Variants in CDH7 observed in about 807,000 individuals in gnomAD.
CDH7 encodes cadherin 7, also known as cadherin-7.
CDH7 carries 25 observed loss-of-function variants against 71.8 expected under a neutral mutation model. The ratio of observed to expected loss-of-function variants is 0.35; its 90% CI spans 0.25 to 0.49. The LOEUF is 0.49. Ranked by LOEUF, CDH7 falls within the 20% of genes least tolerant of loss-of-function variation. CDH7 has a pLI of 0.99. For synonymous variants in CDH7, 381 were observed against 363.8 expected, an observed-to-expected ratio of 1.05 and a Z score of -0.54; for missense variants, 862 against 974.6, an observed-to-expected ratio of 0.88 and a Z score of 1.54.
chr18:65,781,814 C>CTTT (rs1568181470), intron 2 of CDH7, among the ~76,000 whole-genome samples: 22 of 87,008 alleles, frequency 2.5e-4, no homozygotes, highest in South Asian at 8.9e-4. Context: ...TTCCTTCCTT[C>CTTT]CTTCCTTCTT....
chr18:65,865,280 T>C (rs1913718046), intron 11 of CDH7: 1 of 152,188 alleles, frequency 6.6e-6, no homozygotes, highest in Non-Finnish European at 1.5e-5. Flanking sequence ...AGATATACTG[T>C]ATATGAGTAT....
At chr18:65,842,536 T>C (rs1050823092) in intron 6 of CDH7, among the ~76,000 whole-genome samples, 3 of 151,878 alleles carry the variant, frequency 2.0e-5, no homozygotes, top group East Asian at 1.9e-4. Flanking sequence ...ATATGTGTTA[T>C]ATTTTATGTA....
intron 6 of CDH7, among the ~76,000 whole-genome samples, chr18:65,827,932 A>G (rs1385416064): frequency 2.0e-5 from 3 of 151,956 alleles, no homozygotes; most frequent in Non-Finnish European, 2.9e-5. Context: ...AGATAATATC[A>G]ACATGGAAAT....
intron 2 of CDH7, among the ~76,000 whole-genome samples, chr18:65,786,405 A>C (rs1389835476): frequency 6.6e-6 from 1 of 152,186 alleles, no homozygotes; most frequent in Non-Finnish European, 1.5e-5. Flanking sequence ...TCCTAAGCCC[A>C]CAACCGCCCC....
intron 6 of CDH7, among the ~76,000 whole-genome samples, chr18:65,837,717 C>A (rs9963814): frequency 1.3e-5 from 2 of 151,888 alleles, no homozygotes; most frequent in African/African-American, 4.8e-5. Context: ...AAACATAAGG[C>A]CTTCTTGGTC....
At chr18:65,776,769 G>C (rs1029317016) in intron 2 of CDH7, among the ~76,000 whole-genome samples, 4 of 152,112 alleles carry the variant, frequency 2.6e-5, no homozygotes, top group Admixed American at 2.6e-4. Flanking sequence ...AGAATGTGAG[G>C]TTGACAAATT....
intron 2 of CDH7, among the ~76,000 whole-genome samples, chr18:65,805,195 A>G (rs1336301796): frequency 6.6e-6 from 1 of 152,222 alleles, no homozygotes; most frequent in Non-Finnish European, 1.5e-5. Context: ...GCAGAATTAA[A>G]TGAATTCTGT....
Position 65,883,998 on chromosome 18 carries a change from T to C in CDH7, c.*3104T>C, listed in dbSNP as rs1254023202. 1 of 152,112 alleles carries C rather than the reference T, an allele frequency of 6.6e-6. No individual in the cohort carries two copies. The highest frequency in any genetic ancestry group is 1.9e-4 in the East Asian group (1 of 5,194). 9.4% of individuals were successfully genotyped at this position (152,112 alleles called of 1,614,324 possible). Reference sequence around the variant, plus strand: ...TATTTAATTATTTTCCACTTGTCCATACAGGAGCATCAATAGAAACTCAGG... The same window carrying C: ...TATTTAATTATTTTCCACTTGTCCACACAGGAGCATCAATAGAAACTCAGG... On this transcript the variant is annotated 3_prime_UTR_variant, in exon 12 of 12. Transcript: ENST00000397968.
chr18:65,821,933 G>A (rs1467845486), intron 4 of CDH7, 148 bp from the exon 5 acceptor site: 2 of 587,856 alleles, frequency 3.4e-6, no homozygotes, highest in Non-Finnish European at 6.0e-6. Context: ...CTATTTCTTT[G>A]GTCTTTAATA....
intron 7 of CDH7, among the ~76,000 whole-genome samples, chr18:65,845,783 T>A (rs1912913961): frequency 6.6e-6 from 1 of 151,870 alleles, no homozygotes; most frequent in South Asian, 2.1e-4. Flanking sequence ...TGGAGCCAGG[T>A]GGGGTGACAA....
chr18:65,786,067 C>T (rs1381070725), intron 2 of CDH7, among the ~76,000 whole-genome samples: 2 of 152,164 alleles, frequency 1.3e-5, no homozygotes, highest in African/African-American at 4.8e-5. Flanking sequence ...AGTGATTGAT[C>T]TGAGCTAGAG....
rs1034787386 is a variant in CDH7, at chr18:65,773,549, T to C, written c.210+10497T>C. 1.8e-4 allele frequency among the ~76,000 whole-genome samples: 27 copies of C among 152,246 alleles called. 1 individual carries two copies. Among genetic ancestry groups the C allele is most frequent in the Admixed American group, 1.5e-3 (23 of 15,272 alleles). ...AGTCACATGATTTGGGTTTGCATAC[T>C]GGCTCCCTAACTTACAGATGATGCG... On this transcript the variant is annotated intron_variant, in intron 2 of 11. Coordinates refer to ENST00000397968, the MANE Select transcript of CDH7 (RefSeq NM_004361.5).
At chr18:65,756,365 A>G (rs771753181) in intron 1 of CDH7, among the ~76,000 whole-genome samples, 49 of 152,308 alleles carry the variant, frequency 3.2e-4, no homozygotes, top group Middle Eastern at 6.8e-3. Context: ...CTGATTCTCT[A>G]TTAAGTACAC....
intron 2 of CDH7, among the ~76,000 whole-genome samples, chr18:65,791,453 A>G (rs1307638823): frequency 2.0e-5 from 3 of 152,212 alleles, no homozygotes; most frequent in Admixed American, 1.3e-4. Context: ...AAAATGAGGT[A>G]GAGGAAGCAT....
intron 2 of CDH7, among the ~76,000 whole-genome samples, chr18:65,800,022 T>C (rs890291389): frequency 1.3e-5 from 2 of 152,234 alleles, no homozygotes; most frequent in African/African-American, 2.4e-5. Context: ...GAGTAAAATA[T>C]ATAAAACAAA....
rs56897265 is a variant in CDH7, at chr18:65,781,852, T to C, written c.210+18800T>C. 1.3e-3 allele frequency among the ~76,000 whole-genome samples: 114 copies of C among 87,876 alleles called. 8 individuals carry two copies. The highest frequency in any genetic ancestry group is 9.2e-3 in the African/African-American group (108 of 11,732). The allele number at this position is 87,876 out of a possible 152,430, so 57.7% of individuals were successfully genotyped here. On this transcript the variant is annotated intron_variant, in intron 2 of 11. Coordinates refer to ENST00000397968, the MANE Select transcript of CDH7 (RefSeq NM_004361.5). ...TTTCTTTCTTTCTTTCTTTCTTTCT[T>C]TCTTTCTTTCTTTCTCTCTCTCTCT... is the stretch of plus-strand genomic sequence containing the variant.
intron 4 of CDH7, among the ~76,000 whole-genome samples, chr18:65,819,443 G>T (rs1478433014): frequency 6.6e-6 from 1 of 152,136 alleles, no homozygotes; most frequent in African/African-American, 2.4e-5. Context: ...GCAAAGCCAA[G>T]AACCTCCTGG....
chr18:65,849,888 G>A (rs1913083993), intron 7 of CDH7, among the ~76,000 whole-genome samples: 1 of 151,934 alleles, frequency 6.6e-6, no homozygotes, highest in Admixed American at 6.6e-5. Flanking sequence ...TGAGGGCCCA[G>A]CACGGTGGCT....
In CDH7 at chr18:65,822,097, C is replaced by T. The variant is rs1911952119; in HGVS notation, c.642C>T (p.Ala214=). 6 of 1,612,484 alleles carry T rather than the reference C, an allele frequency of 3.7e-6. No individual in the cohort carries two copies. Among genetic ancestry groups the T allele is most frequent in the Non-Finnish European group, 5.1e-6 (6 of 1,178,808 alleles). ...VEPKTGVIKT[A]LPNMDREAKD... is the part of the protein sequence containing the mutation. The stretch of plus-strand genomic sequence containing the variant: ...ATTTTACAGGAGTCATCAAGACTGC[C>T]CTTCCAAACATGGATAGAGAGGCTA... Residue 214 remains alanine (A), a synonymous_variant, in exon 5 of 12, where the codon GCC becomes GCT. Coordinates refer to ENST00000397968, the MANE Select transcript of CDH7 (RefSeq NM_004361.5).
Sources: gnomAD v4.1 joint callset for allele counts (sites outside exome capture counted in the v4.1 genomes callset) on GRCh38, gnomAD v4.1.1 for gene constraint, MANE v1.5 for transcripts, NCBI Gene and HGNC (gene_info 2026-07-23, HGNC 2026-07-21) for gene names.